The following ZFPM2 variants were observed in gnomAD, a reference collection of about 807,000 sequenced individuals.
ZFPM2 encodes the protein zinc finger protein ZFPM2.
In ZFPM2, 20 loss-of-function variants were observed where a neutral mutation model predicts 98.6. That is an observed-to-expected ratio of 0.20 (90% CI 0.14 to 0.29). ZFPM2 has a LOEUF of 0.29. Ranked by LOEUF, ZFPM2 falls within the 10% of genes least tolerant of loss-of-function variation. The pLI is 1.00. For synonymous variants in ZFPM2, 518 were observed against 502.7 expected (o/e 1.03, Z -0.41); for missense variants, 1,310 against 1,388.6 (o/e 0.94, Z 0.90).
At chr8:105,584,261 A>G (rs746643255) in intron 4 of ZFPM2, among the ~76,000 whole-genome samples, 67 of 152,252 alleles carry the variant, frequency 4.4e-4, no homozygotes, top group Non-Finnish European at 8.1e-4. Context: ...AGGATGACTA[A>G]TTCTTTTTTA....
At chr8:105,383,869 T>A (rs749985795) in intron 1 of ZFPM2, among the ~76,000 whole-genome samples, 2 of 152,190 alleles carry the variant, frequency 1.3e-5, no homozygotes, top group Admixed American at 6.5e-5. Context: ...TAACTCATTT[T>A]AAAAAATCTG....
chr8:105,532,912 A>G (rs763163851), intron 3 of ZFPM2, among the ~76,000 whole-genome samples: 5 of 152,124 alleles, frequency 3.3e-5, no homozygotes, highest in Non-Finnish European at 5.9e-5. Context: ...GAAAATCCCA[A>G]CATTGGAAGA....
chr8:105,397,663 A>G (rs1811249116), intron 1 of ZFPM2, among the ~76,000 whole-genome samples: 1 of 152,214 alleles, frequency 6.6e-6, no homozygotes, highest in African/African-American at 2.4e-5. Flanking sequence ...ATTGTTTCAT[A>G]AGAGTAAAGA....
Position 105,691,231 on chromosome 8 carries a change from C to CTTTTTTTTTTTTTTTTTTTTTTT in ZFPM2, c.532+56880_532+56902dup, listed in dbSNP as rs869164122. On this transcript the variant is annotated intron_variant, in intron 5 of 7. Coordinates refer to ENST00000407775, the MANE Select transcript of ZFPM2 (RefSeq NM_012082.4). ...CTCAAGCGCCCTGTTCCCAAAGAGA[C>CTTTTTTTTTTTTTTTTTTTTTTT]TTTTTTTTTTTTTTTTTTTTTTTTT... 1.5e-4 allele frequency among the ~76,000 whole-genome samples: 10 copies of CTTTTTTTTTTTTTTTTTTTTTTT among 67,966 alleles called. 3 individuals are homozygous for CTTTTTTTTTTTTTTTTTTTTTTT. Among genetic ancestry groups the CTTTTTTTTTTTTTTTTTTTTTTT allele is most frequent in the African/African-American group, 6.3e-4 (8 of 12,638 alleles). The allele number at this position is 67,966 out of a possible 152,430, so 44.6% of individuals were successfully genotyped here.
chr8:105,696,829 T>G (rs1474724371), intron 5 of ZFPM2, among the ~76,000 whole-genome samples: 2 of 152,206 alleles, frequency 1.3e-5, no homozygotes, highest in Non-Finnish European at 2.9e-5. Context: ...CTGTTAGTTT[T>G]TTTACAAGTT....
chr8:105,796,065 C>T lies in ZFPM2; in HGVS notation c.740-2659C>T, dbSNP rs143638449. Among the ~76,000 whole-genome samples, 1,301 of 152,286 alleles carry T rather than the reference C, an allele frequency of 8.5e-3. 63 individuals carry two copies. The highest frequency in any genetic ancestry group is 0.076 in the Admixed American group (1,169 of 15,302). On this transcript the variant is annotated intron_variant, in intron 6 of 7. Transcript: ENST00000407775. Reference sequence around the variant, plus strand: ...TCATCCTTTAGATTAAAGAAATTATCAGATGAGTCTGAAATTACTGTGCAT... The same window carrying T: ...TCATCCTTTAGATTAAAGAAATTATTAGATGAGTCTGAAATTACTGTGCAT...
At chr8:105,665,784 A>G (rs1170211518) in intron 5 of ZFPM2, among the ~76,000 whole-genome samples, 3 of 152,204 alleles carry the variant, frequency 2.0e-5, no homozygotes, top group Admixed American at 2.0e-4. Flanking sequence ...TCATTATAAA[A>G]CAGAGAAAAC....
intron 5 of ZFPM2, among the ~76,000 whole-genome samples, chr8:105,648,554 G>A (rs201785017): frequency 1.3e-5 from 2 of 152,052 alleles, no homozygotes; most frequent in African/African-American, 4.8e-5. Flanking sequence ...TAATTTTTAT[G>A]TAAGGTGTAA....
chr8:105,802,341 T>C lies in ZFPM2; in HGVS notation c.2259T>C (p.Pro753=). The stretch of plus-strand genomic sequence containing the variant: ...GCCTACCTGAGCAGGAACAAAGGCC[T>C]CCACTGGTTCAGCAGAGATTTCTTG... ...EMCLPEQEQR[P]PLVQQRFLDV... Residue 753 remains proline, a synonymous_variant, in exon 8 of 8, where the codon CCT becomes CCC. Transcript: ENST00000407775. 1 of 1,613,754 alleles carries C rather than the reference T, an allele frequency of 6.2e-7. No homozygotes were observed. Among genetic ancestry groups the C allele is most frequent in the Non-Finnish European group, 8.5e-7 (1 of 1,179,838 alleles).
At chr8:105,596,850 G>A (rs1274439496) in intron 4 of ZFPM2, among the ~76,000 whole-genome samples, 1 of 149,634 alleles carries the variant, frequency 6.7e-6, no homozygotes, top group Non-Finnish European at 1.5e-5. Context: ...AATTAAGCAA[G>A]GTAGTATCTG....
At chr8:105,664,562 A>G in intron 5 of ZFPM2, among the ~76,000 whole-genome samples, 1 of 152,114 alleles carries the variant, frequency 6.6e-6, no homozygotes, top group Non-Finnish European at 1.5e-5. Context: ...TCCAACTCCC[A>G]TCCTCAGGTG....
In ZFPM2 at chr8:105,802,956, C is replaced by A. The variant is rs1814084954; in HGVS notation, c.2874C>A (p.Asn958Lys). ...AAQLIATKEE[N>K]RHLFLPQCLY... is the part of the protein sequence containing the mutation. ...AGCTCATTGCTACAAAAGAAGAAAA[C>A]AGACATTTGTTTCTTCCACAATGCC... The change falls in exon 8 of 8, where the codon AAC becomes AAA. Residue 958 changes from asparagine to lysine, a missense_variant. By Grantham distance (94) the Asn-to-Lys change is moderately conservative (BLOSUM62 0). Transcript: ENST00000407775. 6.2e-7 allele frequency: 1 copy of A among 1,612,708 alleles called. No individual in the cohort carries two copies. Among genetic ancestry groups the A allele is most frequent in the Non-Finnish European group, 8.5e-7 (1 of 1,179,468 alleles).
chr8:105,638,722 A>C (rs1586166719), intron 5 of ZFPM2, among the ~76,000 whole-genome samples: 2 of 152,224 alleles, frequency 1.3e-5, no homozygotes, highest in South Asian at 4.2e-4. Context: ...TGCTTCCTAA[A>C]GTGTTCCTAA....
At position 105,801,344 on chromosome 8, in the gene ZFPM2, C is replaced by T. The variant is rs1814003508; in HGVS notation, c.1262C>T (p.Pro421Leu). ...ATDLLTRSEL[P>L]QSQKAMQTKD... ...GACTTATTGACCAGAAGCGAACTTCCCCAGAGCCAAAAGGCCATGCAGACT... is the reference window on the plus strand; with the variant it reads ...GACTTATTGACCAGAAGCGAACTTCTCCAGAGCCAAAAGGCCATGCAGACT... Residue 421 changes from proline (P) to leucine (L), a missense_variant, in exon 8 of 8, where the codon CCC becomes CTC. Physicochemically the swap from Pro to Leu is moderately conservative, Grantham distance 98 (BLOSUM62 -3). Coordinates refer to ENST00000407775, the MANE Select transcript of ZFPM2 (RefSeq NM_012082.4). 1 of 1,613,896 alleles carries T rather than the reference C, an allele frequency of 6.2e-7. No homozygotes were observed. The highest frequency in any genetic ancestry group is 1.1e-5 in the South Asian group (1 of 91,076).
intron 5 of ZFPM2, among the ~76,000 whole-genome samples, chr8:105,731,390 G>A (rs373190449): frequency 6.6e-6 from 1 of 151,496 alleles, no homozygotes; most frequent in Admixed American, 6.6e-5. Context: ...GAAAATCAAC[G>A]AGAAGGAAGC....
At chr8:105,752,482 C>T (rs982006958) in intron 5 of ZFPM2, among the ~76,000 whole-genome samples, 8 of 152,246 alleles carry the variant, frequency 5.3e-5, no homozygotes, top group Admixed American at 2.6e-4. Flanking sequence ...ACTCCTTTGT[C>T]ATAAACAGGA....
chr8:105,565,821 C>G (rs1187464694), intron 4 of ZFPM2, among the ~76,000 whole-genome samples: 1 of 152,058 alleles, frequency 6.6e-6, no homozygotes, highest in Non-Finnish European at 1.5e-5. Flanking sequence ...TTTTACATGC[C>G]TAAATTTGAC....
intron 1 of ZFPM2, among the ~76,000 whole-genome samples, chr8:105,399,365 A>G (rs1251666310): frequency 1.3e-5 from 2 of 152,208 alleles, no homozygotes. Flanking sequence ...CACAAGAAGT[A>G]GAGATGGTGA....
chr8:105,547,626 C>T (rs1444882636), intron 3 of ZFPM2, among the ~76,000 whole-genome samples: 1 of 148,598 alleles, frequency 6.7e-6, no homozygotes, highest in Non-Finnish European at 1.5e-5. Context: ...TTACTTAAGT[C>T]AGTGACTGTA....
Sources: allele counts gnomAD v4.1 joint callset (sites outside exome capture counted in the v4.1 genomes callset), GRCh38; gene constraint gnomAD v4.1.1; transcripts MANE v1.5; gene names NCBI Gene and HGNC (gene_info 2026-07-23, HGNC 2026-07-21).